B3GALT1: variants seen among roughly 807,000 people sequenced by gnomAD.
B3GALT1 encodes the protein beta-1,3-galactosyltransferase 1, also known as UDP-Gal:betaGlcNAc beta 1,3-galactosyltransferase, polypeptide 1.
B3GALT1 carries 10 observed loss-of-function variants against 23.2 expected under a neutral mutation model. The observed-to-expected ratio is 0.43, with a 90% CI of 0.27 to 0.73. The LOEUF (loss-of-function observed/expected upper bound fraction) is 0.73. B3GALT1 is among the 30% of genes least tolerant of loss of function. The probability of loss-of-function intolerance (pLI) is 0.21; values close to 1 mark genes in which losing one functional copy is unlikely to be tolerated. For missense variants in B3GALT1, 299 were observed against 405.4 expected, an observed-to-expected ratio of 0.74 and a Z score of 2.25; for synonymous variants, 156 against 141.5, an observed-to-expected ratio of 1.10 and a Z score of -0.73.
intron 2 of B3GALT1, among the ~76,000 whole-genome samples, chr2:167,539,343 C>T (rs1683495035): frequency 6.6e-6 from 1 of 152,026 alleles, no homozygotes; most frequent in African/African-American, 2.4e-5. Context: ...AAAATGACAC[C>T]TCCAAGGACA....
chr2:167,534,388 G>T (rs1007092975), intron 2 of B3GALT1, among the ~76,000 whole-genome samples: 10 of 151,962 alleles, frequency 6.6e-5, no homozygotes, highest in African/African-American at 2.4e-4. Context: ...GCTTTTTTTA[G>T]GGGAAAGAGG....
chr2:167,753,862 T>A (rs567388306), intron 3 of B3GALT1, among the ~76,000 whole-genome samples: 1 of 152,318 alleles, frequency 6.6e-6, no homozygotes, highest in African/African-American at 2.4e-5. Context: ...CCACTCAATT[T>A]GCACTGTGAT....
chr2:167,295,391 C>T (rs945656958), intron 1 of B3GALT1, among the ~76,000 whole-genome samples: 3 of 152,178 alleles, frequency 2.0e-5, no homozygotes, highest in South Asian at 4.1e-4. Context: ...GTTATTGAAA[C>T]CTTCAGGACT....
intron 2 of B3GALT1, among the ~76,000 whole-genome samples, chr2:167,529,692 C>T (rs1683288809): frequency 6.6e-6 from 1 of 151,658 alleles, no homozygotes; most frequent in Non-Finnish European, 1.5e-5. Flanking sequence ...TGATTCTTCT[C>T]TTTTTCTTGT....
chr2:167,805,171 G>A (rs1688725986), intron 3 of B3GALT1, among the ~76,000 whole-genome samples: 1 of 152,168 alleles, frequency 6.6e-6, no homozygotes, highest in African/African-American at 2.4e-5. Context: ...TTTTGATGGG[G>A]CTGTTTGTTT....
At chr2:167,308,806 A>G (rs1574027049) in intron 1 of B3GALT1, among the ~76,000 whole-genome samples, 2 of 152,062 alleles carry the variant, frequency 1.3e-5, no homozygotes, top group African/African-American at 4.8e-5. Context: ...TGGCCTGGCA[A>G]GTGACTTGAT....
intron 2 of B3GALT1, among the ~76,000 whole-genome samples, chr2:167,554,031 G>A (rs1683799441): frequency 6.6e-6 from 1 of 152,164 alleles, no homozygotes; most frequent in Admixed American, 6.5e-5. Context: ...CTGGGGATCT[G>A]CGTTTATTAG....
intron 1 of B3GALT1, among the ~76,000 whole-genome samples, chr2:167,447,611 C>G (rs944015094): frequency 3.9e-5 from 6 of 152,122 alleles, no homozygotes; most frequent in African/African-American, 7.2e-5. Flanking sequence ...GGATCTCAGA[C>G]TGCTGTATTA....
At chr2:167,412,763 T>C (rs529844154) in intron 1 of B3GALT1, among the ~76,000 whole-genome samples, 76 of 152,236 alleles carry the variant, frequency 5.0e-4, no homozygotes, top group African/African-American at 1.7e-3. Context: ...TGTGTACATC[T>C]CTTCATCAAA....
At chr2:167,357,400 T>C (rs1224361190) in intron 1 of B3GALT1, among the ~76,000 whole-genome samples, 2 of 152,110 alleles carry the variant, frequency 1.3e-5, no homozygotes, top group Admixed American at 1.3e-4. Flanking sequence ...AGAAAATAAT[T>C]TAAATGTTTT....
At chr2:167,650,769 A>G (rs1685848858) in intron 3 of B3GALT1, among the ~76,000 whole-genome samples, 1 of 152,054 alleles carries the variant, frequency 6.6e-6, no homozygotes, top group Non-Finnish European at 1.5e-5. Flanking sequence ...AGGATCCCTT[A>G]CTATTATTCT....
intron 1 of B3GALT1, among the ~76,000 whole-genome samples, chr2:167,339,873 G>A (rs1697119957): frequency 6.6e-6 from 1 of 152,150 alleles, no homozygotes; most frequent in East Asian, 1.9e-4. Flanking sequence ...CTCCACACAG[G>A]TTACAAGTTG....
At chr2:167,681,644 T>C (rs1231141788) in intron 3 of B3GALT1, among the ~76,000 whole-genome samples, 1 of 152,264 alleles carries the variant, frequency 6.6e-6, no homozygotes, top group Non-Finnish European at 1.5e-5. Context: ...TAAGTTTCTC[T>C]AGAAGTTGTT....
In B3GALT1 at chr2:167,868,988, G is replaced by C; in HGVS notation, c.-52G>C. The C allele has an allele frequency of 6.6e-7, 1 of 1,522,418 alleles. No homozygotes were observed. Among genetic ancestry groups the C allele is most frequent in the Non-Finnish European group, 8.8e-7 (1 of 1,136,032 alleles). The allele number at this position is 1,522,418 out of a possible 1,614,324, so 94.3% of individuals were successfully genotyped here. ...GCCTTTGGAAGATGAAAACAAACTA[G>C]TGCCAAGGAGGCGTATTCTTCAATA... On this transcript the variant is annotated 5_prime_UTR_variant, in exon 5 of 5. An upstream open reading frame in the 5' UTR loses its in-frame stop. Coordinates refer to ENST00000392690, the MANE Select transcript of B3GALT1 (RefSeq NM_020981.4).
At chr2:167,743,246 G>C (rs967207117) in intron 3 of B3GALT1, among the ~76,000 whole-genome samples, 23 of 152,002 alleles carry the variant, frequency 1.5e-4, no homozygotes, top group African/African-American at 5.3e-4. Context: ...TCTCGAGTAT[G>C]TACCTAGGAG....
At chr2:167,744,284 A>T (rs1687618669) in intron 3 of B3GALT1, among the ~76,000 whole-genome samples, 1 of 152,312 alleles carries the variant, frequency 6.6e-6, no homozygotes, top group East Asian at 1.9e-4. Flanking sequence ...TATCTGCTTC[A>T]TCTATTAATT....
chr2:167,640,589 T>C (rs1436711569), intron 2 of B3GALT1, among the ~76,000 whole-genome samples: 3 of 151,982 alleles, frequency 2.0e-5, no homozygotes, highest in Non-Finnish European at 2.9e-5. Context: ...ATTAGCTGAG[T>C]AGATATTGTG....
intron 3 of B3GALT1, among the ~76,000 whole-genome samples, chr2:167,702,056 G>A (rs569315389): frequency 2.6e-5 from 4 of 152,290 alleles, no homozygotes; most frequent in Middle Eastern, 6.8e-3. Context: ...CATTCATAAC[G>A]TTAGGATCTG....
chr2:167,785,754 G>T (rs1161093211), intron 3 of B3GALT1, among the ~76,000 whole-genome samples: 4 of 152,188 alleles, frequency 2.6e-5, no homozygotes, highest in Non-Finnish European at 4.4e-5. Context: ...CCTTATGAAT[G>T]CAGTGGTTAG....
Sources: allele counts gnomAD v4.1 joint callset (sites outside exome capture counted in the v4.1 genomes callset), GRCh38; gene constraint gnomAD v4.1.1; transcripts MANE v1.5; gene names NCBI Gene and HGNC (gene_info 2026-07-23, HGNC 2026-07-21).